Variants in MTMR8 observed in about 807,000 individuals in gnomAD.
MTMR8 encodes phosphatidylinositol-3,5-bisphosphate 3-phosphatase MTMR8.
In MTMR8, 65 loss-of-function variants were observed where a neutral mutation model predicts 39.3. The observed-to-expected ratio is 1.65, with a 90% CI of 1.35 to 2.03. The LOEUF is 2.03. Ranked by LOEUF, MTMR8 falls within the 30% of genes most tolerant of loss-of-function variation. The probability of loss-of-function intolerance (pLI) is 0.00; values close to 1 mark genes in which losing one functional copy is unlikely to be tolerated. For synonymous variants in MTMR8, 245 were observed against 185.2 expected (o/e 1.32, Z -2.62); for missense variants, 777 against 538.9 (o/e 1.44, Z -4.37).
At chrX:64,329,222 T>C (rs1922880506) in intron 11 of MTMR8, among the ~76,000 whole-genome samples, 1 of 111,535 alleles carries the variant, frequency 9.0e-6, no homozygotes, top group South Asian at 3.8e-4. Context: ...TGGGCCTATT[T>C]CCTCACCGTT....
chrX:64,364,083 A>T (rs987788108), intron 1 of MTMR8, among the ~76,000 whole-genome samples: 2 of 112,539 alleles, frequency 1.8e-5, no homozygotes, highest in African/African-American at 6.5e-5. Context: ...CAAAGCTGCC[A>T]GGAAGCTCGA....
intron 11 of MTMR8, 49 bp downstream of exon 11, chrX:64,331,508 C>A (rs1404242172): frequency 1.8e-6 from 2 of 1,127,001 alleles, no homozygotes; most frequent in Admixed American, 4.5e-5. Context: ...ATTCTTTTTG[C>A]ACTGACCACC....
intron 12 of MTMR8, among the ~76,000 whole-genome samples, chrX:64,283,816 C>T (rs1248311589): frequency 8.9e-6 from 1 of 112,091 alleles, no homozygotes; most frequent in East Asian, 2.8e-4. Context: ...CAACAAAACC[C>T]CATCTGTATG....
At chrX:64,335,379 G>A (rs1048627494) in intron 10 of MTMR8, among the ~76,000 whole-genome samples, 3 of 111,712 alleles carry the variant, frequency 2.7e-5, no homozygotes, top group Admixed American at 9.4e-5. Flanking sequence ...CGATTTGCCC[G>A]CCTTGGCCTC....
chrX:64,365,354 CAG>C (rs1333259725), intron 1 of MTMR8, among the ~76,000 whole-genome samples: 1 of 109,747 alleles, frequency 9.1e-6, no homozygotes, highest in African/African-American at 3.3e-5. Flanking sequence ...TAAGGGCAGC[CAG>C]AGAGAAAGGT....
intron 1 of MTMR8, among the ~76,000 whole-genome samples, chrX:64,372,304 G>T (rs1299066104): frequency 9.1e-6 from 1 of 110,187 alleles, no homozygotes; most frequent in Non-Finnish European, 1.9e-5. Flanking sequence ...GATCTTATTT[G>T]GATTATACCC....
chrX:64,274,721 T>A (rs996332164), intron 12 of MTMR8, among the ~76,000 whole-genome samples: 1 of 112,334 alleles, frequency 8.9e-6, no homozygotes, highest in Non-Finnish European at 1.9e-5. Context: ...AATACTATTC[T>A]ACCTTAAAGA....
At chrX:64,307,841 C>G (rs1210651743) in intron 12 of MTMR8, among the ~76,000 whole-genome samples, 3 of 112,281 alleles carry the variant, frequency 2.7e-5, no homozygotes, top group Admixed American at 1.9e-4. Context: ...TGCAATGTGC[C>G]TCTCCATTCA....
chrX:64,275,299 C>A (rs1358055932), intron 12 of MTMR8, among the ~76,000 whole-genome samples: 5 of 110,392 alleles, frequency 4.5e-5, no homozygotes, highest in African/African-American at 1.6e-4. Flanking sequence ...AACTTTATAT[C>A]TCAGGAACTA....
In MTMR8 at chrX:64,269,055, G is replaced by A. The variant is rs1364869203; in HGVS notation, c.1609-12C>T. On this transcript the variant is annotated splice_polypyrimidine_tract_variant and intron_variant, in intron 13 of 13. Transcript: ENST00000374852. ...CGGACTTTTAGTTTCTGCCTCAGGA[G>A]CAAGAAAGGGTTGAGAAGAATTAGA... 6 of 1,202,017 alleles carry A rather than the reference G, an allele frequency of 5.0e-6. No homozygotes were observed. The highest frequency in any genetic ancestry group is 2.2e-5 in the Admixed American group (1 of 45,005).
intron 12 of MTMR8, among the ~76,000 whole-genome samples, chrX:64,288,909 TC>T (rs897730767): frequency 1.8e-5 from 2 of 110,027 alleles, no homozygotes; most frequent in African/African-American, 6.6e-5. Context: ...AGGAGATATA[TC>T]TAATATAAAT....
In MTMR8 at chrX:64,296,572, GGTT is replaced by G. The variant is rs1339313541; in HGVS notation, c.1482-25502_1482-25500del. The stretch of plus-strand genomic sequence containing the variant: ...AGCCTCTGTATATGGACCCTATGCT[GGTT>G]TTTTTTTTTTTTTTTTAATTATACT... On this transcript the variant is annotated intron_variant, in intron 12 of 13. Coordinates refer to ENST00000374852, the MANE Select transcript of MTMR8 (RefSeq NM_017677.4). Among the ~76,000 whole-genome samples, 392 of 93,768 alleles carry G rather than the reference GGTT, an allele frequency of 4.2e-3. 3 individuals are homozygous for G. Among genetic ancestry groups the G allele is most frequent in the African/African-American group, 0.019 (367 of 19,556 alleles). The allele number at this position is 93,768 out of a possible 115,157, so 81.4% of individuals were successfully genotyped here.
chrX:64,315,828 CT>C (rs920363136), intron 12 of MTMR8, among the ~76,000 whole-genome samples: 1 of 111,221 alleles, frequency 9.0e-6, no homozygotes, highest in Admixed American at 9.5e-5. Context: ...CTGTGGGTTA[CT>C]TTTTTACAAT....
At chrX:64,328,528 T>G (rs951144287) in intron 12 of MTMR8, among the ~76,000 whole-genome samples, 3 of 111,691 alleles carry the variant, frequency 2.7e-5, no homozygotes, top group Non-Finnish European at 5.6e-5. Context: ...CTTGACTGGT[T>G]GTATTCCTAC....
chrX:64,274,564 G>A (rs1282536334), intron 12 of MTMR8, among the ~76,000 whole-genome samples: 1 of 111,881 alleles, frequency 8.9e-6, no homozygotes, highest in Non-Finnish European at 1.9e-5. Context: ...CTTCTGGGTA[G>A]AGGAACTGAA....
intron 12 of MTMR8, among the ~76,000 whole-genome samples, chrX:64,300,470 C>T (rs1347833166): frequency 9.1e-6 from 1 of 110,331 alleles, no homozygotes; most frequent in Admixed American, 9.7e-5. Flanking sequence ...CTATGTGTGT[C>T]TCTGCACATG....
intron 10 of MTMR8, among the ~76,000 whole-genome samples, chrX:64,335,321 G>A (rs1923045636): frequency 9.0e-6 from 1 of 111,016 alleles, no homozygotes; most frequent in South Asian, 3.9e-4. Flanking sequence ...TAGTAGAGAA[G>A]GGGTTTCACC....
Position 64,331,738 on chromosome X carries a change from C to A in MTMR8, c.1171G>T (p.Asp391Tyr), listed in dbSNP as rs1453457748. Residue 391 changes from aspartate to tyrosine, a missense_variant, in exon 11 of 14, where the codon GAC (aspartate) becomes TAC (tyrosine). Transcript: ENST00000374852. ...FSQRCGHLDG[D>Y]SKEVSPIFTQ... ...AAGATAGGGGACACTTCTTTAGAGTCCCCATCGAGGTGGCCACACCTGAGA... is the reference window on the plus strand; with the variant it reads ...AAGATAGGGGACACTTCTTTAGAGTACCCATCGAGGTGGCCACACCTGAGA... The A allele has an allele frequency of 5.0e-6, 6 of 1,208,480 alleles. No homozygotes were observed. Among genetic ancestry groups the A allele is most frequent in the East Asian group, 3.0e-5 (1 of 33,804 alleles).
Position 64,277,243 on chromosome X carries a change from C to T in MTMR8, c.1482-6170G>A, listed in dbSNP as rs750660062. Among the ~76,000 whole-genome samples the T allele has an allele frequency of 1.4e-3, 162 of 111,976 alleles. 1 individual carries two copies. Among genetic ancestry groups the T allele is most frequent in the African/African-American group, 5.1e-3 (157 of 30,780 alleles). On this transcript the variant is annotated intron_variant, in intron 12 of 13. Transcript: ENST00000374852. ...TTAATTGGGGCATTTAGCCCATTTACATTTAAGGTTAATATTGTTATGTGT... is the reference window on the plus strand; with the variant it reads ...TTAATTGGGGCATTTAGCCCATTTATATTTAAGGTTAATATTGTTATGTGT...
Sources: allele counts gnomAD v4.1 joint callset (sites outside exome capture counted in the v4.1 genomes callset), GRCh38; gene constraint gnomAD v4.1.1; transcripts MANE v1.5; gene names NCBI Gene and HGNC (gene_info 2026-07-23, HGNC 2026-07-21).